Variants in CELF2 observed in about 807,000 individuals in gnomAD.
CELF2 encodes CUG triplet repeat RNA-binding protein 2.
In CELF2, 8 loss-of-function variants were observed where a neutral mutation model predicts 62.6. The observed-to-expected ratio is 0.13, with a 90% CI of 0.07 to 0.23. The LOEUF (loss-of-function observed/expected upper bound fraction) is 0.23, where lower values mean the gene tolerates loss of function less well. CELF2 is among the 10% of genes least tolerant of loss of function. The probability of loss-of-function intolerance (pLI) is 1.00; values close to 1 mark genes in which losing one functional copy is unlikely to be tolerated. For missense variants in CELF2, 333 were observed against 671.0 expected (o/e 0.50, Z 5.56); for synonymous variants, 258 against 250.0 (o/e 1.03, Z -0.30).
At chr10:11,146,184 C>T (rs1330246038) in intron 1 of CELF2, among the ~76,000 whole-genome samples, 2 of 152,186 alleles carry the variant, frequency 1.3e-5, no homozygotes, top group African/African-American at 2.4e-5. Flanking sequence ...ACTACACTTC[C>T]TACAAATATT....
At chr10:11,281,365 C>G (rs1353093625) in intron 8 of CELF2, among the ~76,000 whole-genome samples, 2 of 152,160 alleles carry the variant, frequency 1.3e-5, no homozygotes, top group Non-Finnish European at 2.9e-5. Context: ...ACGAAGAGCA[C>G]TGAGGCAGCG....
chr10:11,197,028 A>AAGGAAGGAAGGAAGGAAGGAAGGAAG (rs1565231131), intron 2 of CELF2, among the ~76,000 whole-genome samples: 3 of 20,970 alleles, frequency 1.4e-4, no homozygotes, highest in African/African-American at 1.2e-3. Context: ...AAGAAAGAAA[A>AAGGAAGGAAGGAAGGAAGGAAGGAAG]GAAAGAAAGA....
chr10:10,647,693 A>G, the CELF2 span, among the ~76,000 whole-genome samples: 1 of 152,214 alleles, frequency 6.6e-6, no homozygotes, highest in African/African-American at 2.4e-5. Context: ...ATCAGGCAAG[A>G]AAAAATATTT....
chr10:10,519,099 T>A, the CELF2 span, among the ~76,000 whole-genome samples: 1 of 152,056 alleles, frequency 6.6e-6, no homozygotes, highest in Admixed American at 6.6e-5. Context: ...TTCAGGGAGG[T>A]GACCCAAGCC....
At position 11,018,082 on chromosome 10, in the gene CELF2, C is replaced by T. The variant is rs1325034340; in HGVS notation, c.-8C>T. Reference sequence around the variant, plus strand: ...CCCCCGCCGCTGCCGCCGCGTGCGCCCGCGAACATGACTTCTGCCTTCAAG... The same window carrying T: ...CCCCCGCCGCTGCCGCCGCGTGCGCTCGCGAACATGACTTCTGCCTTCAAG... On this transcript the variant is annotated 5_prime_UTR_variant, in exon 1 of 13. Coordinates refer to ENST00000633077, the MANE Select transcript of CELF2 (RefSeq NM_001326342.2). The T allele has an allele frequency of 4.1e-6, 6 of 1,465,146 alleles. No individual in the cohort carries two copies. The African/African-American group carries it at 7.4e-5, about 18-fold the overall frequency. The allele number at this position is 1,465,146 out of a possible 1,614,324, so 90.8% of individuals were successfully genotyped here. A position where few individuals can be genotyped will look rare whatever the true frequency, so the allele number is the denominator to read the frequency against.
rs1442358028 is a variant in CELF2 at position 11,330,121 on chromosome 10, CTGAT to C, written c.*1070_*1073del. ...TTATCCTCTCGTTGTTTGTATCTGT[CTGAT>C]TATTTTGTTTGTAACTTCCATTATC... On this transcript the variant is annotated 3_prime_UTR_variant, in exon 13 of 13. Transcript: ENST00000633077. This position sits in a 1 kb window ranked among gnomAD's most constrained non-coding sequence, Gnocchi z 4.5. 2 of 152,570 alleles carry C rather than the reference CTGAT, an allele frequency of 1.3e-5. No homozygotes were observed. The highest frequency in any genetic ancestry group is 4.8e-5 in the African/African-American group (2 of 41,428). The allele number at this position is 152,570 out of a possible 1,614,324, so 9.5% of individuals were successfully genotyped here. A position where few individuals can be genotyped will look rare whatever the true frequency, so the allele number is the denominator to read the frequency against.
At chr10:11,083,922 T>G (rs1024191700) in intron 1 of CELF2, among the ~76,000 whole-genome samples, 24 of 152,312 alleles carry the variant, frequency 1.6e-4, no homozygotes, top group African/African-American at 5.8e-4. Context: ...TGCTTCCCGT[T>G]GCCAGTCTCA....
chr10:11,313,989 C>A, intron 9 of CELF2, 150 bp from the exon 10 acceptor site: 1 of 782,934 alleles, frequency 1.3e-6, no homozygotes, highest in Non-Finnish European at 2.1e-6. Context: ...GTCAAAATTG[C>A]CACAAGTACA....
At chr10:10,725,643 C>T in the CELF2 span, among the ~76,000 whole-genome samples, 6 of 152,152 alleles carry the variant, frequency 3.9e-5, no homozygotes, top group Admixed American at 3.9e-4. Context: ...ATTTCTTCCT[C>T]ATGGGAGCTT....
rs1390863766 is a variant in CELF2 at position 11,224,117 on chromosome 10, T to A, written c.354+6610T>A. ...ATGAGGATTCTTCAGTGGTGCAAAG[T>A]TGAAAATGCCAGCACAGGATTACAG... On this transcript the variant is annotated intron_variant, in intron 3 of 12. Coordinates refer to ENST00000633077, the MANE Select transcript of CELF2 (RefSeq NM_001326342.2). This position sits in a 1 kb window ranked among gnomAD's most constrained non-coding sequence, Gnocchi z 4.5. Among the ~76,000 whole-genome samples the A allele has an allele frequency of 1.3e-5, 2 of 152,180 alleles. No individual in the cohort carries two copies. The highest frequency in any genetic ancestry group is 4.8e-5 in the African/African-American group (2 of 41,444).
chr10:11,185,201 A>C (rs143197678), intron 2 of CELF2, among the ~76,000 whole-genome samples: 145 of 151,982 alleles, frequency 9.5e-4, no homozygotes, highest in African/African-American at 3.4e-3. Flanking sequence ...TTAAGACAGG[A>C]TCTTGCTCTG....
chr10:10,536,880 G>T, the CELF2 span, among the ~76,000 whole-genome samples: 1 of 152,216 alleles, frequency 6.6e-6, no homozygotes, highest in Non-Finnish European at 1.5e-5. Flanking sequence ...TGCAGAAGAT[G>T]ACAGATGGGA....
intron 1 of CELF2, among the ~76,000 whole-genome samples, chr10:11,051,901 CTTT>C (rs10711238): frequency 1.9e-4 from 23 of 122,460 alleles, no homozygotes; most frequent in Non-Finnish European, 1.7e-4. Context: ...ATTGTTAATA[CTTT>C]TTTTTTTTTT....
At chr10:11,263,106 A>G (rs1469245524) in intron 5 of CELF2, among the ~76,000 whole-genome samples, 2 of 151,904 alleles carry the variant, frequency 1.3e-5, no homozygotes, top group Non-Finnish European at 2.9e-5. Context: ...TGACAGGGCT[A>G]CGTGCTTTCC....
chr10:10,792,931 T>A, the CELF2 span, among the ~76,000 whole-genome samples: 1 of 152,094 alleles, frequency 6.6e-6, no homozygotes, highest in Non-Finnish European at 1.5e-5. Context: ...GATCCAACAT[T>A]CCCCTTCCCC....
chr10:11,105,762 G>A (rs1299297206), intron 1 of CELF2, among the ~76,000 whole-genome samples: 1 of 152,172 alleles, frequency 6.6e-6, no homozygotes, highest in Admixed American at 6.5e-5. Flanking sequence ...TCTGCTCTGG[G>A]ATCCTGTGCT....
At chr10:10,550,294 A>G in the CELF2 span, among the ~76,000 whole-genome samples, 1 of 152,210 alleles carries the variant, frequency 6.6e-6, no homozygotes, top group South Asian at 2.1e-4. Context: ...CATAATCTTC[A>G]CATTGAGTAG....
intron 1 of CELF2, among the ~76,000 whole-genome samples, chr10:11,124,088 G>A (rs1386222111): frequency 2.0e-5 from 3 of 152,178 alleles, no homozygotes; most frequent in Non-Finnish European, 4.4e-5. Context: ...CAGATCTCAT[G>A]AGACTTATTC....
At chr10:11,026,255 T>G (rs2059184759) in intron 1 of CELF2, among the ~76,000 whole-genome samples, 1 of 152,182 alleles carries the variant, frequency 6.6e-6, no homozygotes, top group Admixed American at 6.5e-5. Flanking sequence ...TCCTTGAAAT[T>G]TTTATTGTCT....
Sources: gnomAD v4.1 joint callset for allele counts (sites outside exome capture counted in the v4.1 genomes callset) on GRCh38, gnomAD v4.1.1 for gene constraint, Gnocchi (gnomAD v3.1) non-coding constraint, MANE v1.5 for transcripts, NCBI Gene and HGNC (gene_info 2026-07-23, HGNC 2026-07-21) for gene names.